The following CDH13 variants were observed in gnomAD, a reference collection of about 807,000 sequenced individuals.
CDH13 encodes cadherin-13.
In CDH13, 24 loss-of-function variants were observed where a neutral mutation model predicts 63.8. The observed-to-expected ratio is 0.38, with a 90% CI of 0.27 to 0.53. CDH13 has a LOEUF of 0.53. Among genes scored for constraint, CDH13 ranks in the 20% least tolerant of loss-of-function variants. The pLI is 0.85. For synonymous variants in CDH13, 503 were observed against 355.3 expected (o/e 1.42, Z -4.67); for missense variants, 1,049 against 903.1 (o/e 1.16, Z -2.07).
chr16:83,428,123 A>G (rs1466792208), intron 6 of CDH13, among the ~76,000 whole-genome samples: 1 of 152,206 alleles, frequency 6.6e-6, no homozygotes, highest in Non-Finnish European at 1.5e-5. Context: ...GGCTAGTAGC[A>G]GCATTTGAAT....
chr16:82,998,381 A>G (rs1383424024), intron 2 of CDH13, among the ~76,000 whole-genome samples: 1 of 152,244 alleles, frequency 6.6e-6, no homozygotes, highest in Non-Finnish European at 1.5e-5. Flanking sequence ...AAGCAAGAGT[A>G]TCACTTTCGT....
At chr16:82,658,893 A>G (rs1911607479) in intron 1 of CDH13, among the ~76,000 whole-genome samples, 1 of 152,228 alleles carries the variant, frequency 6.6e-6, no homozygotes, top group South Asian at 2.1e-4. Context: ...GACACTTGAT[A>G]TTCAGATAAA....
intron 2 of CDH13, among the ~76,000 whole-genome samples, chr16:82,862,672 A>G (rs764654349): frequency 6.6e-6 from 1 of 152,236 alleles, no homozygotes; most frequent in African/African-American, 2.4e-5. Flanking sequence ...TTTACCTACA[A>G]TACAACTTGC....
intron 6 of CDH13, among the ~76,000 whole-genome samples, chr16:83,399,033 T>C (rs763457918): frequency 1.3e-5 from 2 of 152,236 alleles, no homozygotes; most frequent in African/African-American, 2.4e-5. Flanking sequence ...CTCAAAGCCA[T>C]AGACCATTCA....
At chr16:83,761,338 A>G (rs1373678348) in intron 11 of CDH13, among the ~76,000 whole-genome samples, 2 of 152,250 alleles carry the variant, frequency 1.3e-5, no homozygotes, top group African/African-American at 4.8e-5. Context: ...CCAACAGAAT[A>G]TTCAAGGTAC....
At chr16:83,593,777 C>G (rs1444442772) in intron 7 of CDH13, among the ~76,000 whole-genome samples, 2 of 152,064 alleles carry the variant, frequency 1.3e-5, no homozygotes, top group Non-Finnish European at 2.9e-5. Context: ...GACATAAAGC[C>G]TCTAAACAAG....
At chr16:82,672,994 G>GTTTTTT in intron 1 of CDH13, among the ~76,000 whole-genome samples, 1 of 26,536 alleles carries the variant, frequency 3.8e-5, no homozygotes, top group African/African-American at 1.7e-4. Context: ...TTTTTATAAA[G>GTTTTTT]TTTTCTTTTT....
intron 5 of CDH13, among the ~76,000 whole-genome samples, chr16:83,267,068 A>G (rs1426973541): frequency 6.6e-6 from 1 of 152,014 alleles, no homozygotes; most frequent in East Asian, 1.9e-4. Context: ...TCTCAGTGTT[A>G]AGAATTTGTT....
chr16:83,563,700 C>T (rs1400949773), intron 7 of CDH13, among the ~76,000 whole-genome samples: 2 of 152,108 alleles, frequency 1.3e-5, no homozygotes, highest in Admixed American at 6.5e-5. Flanking sequence ...AGAACACATA[C>T]TGGACAAGAC....
intron 5 of CDH13, among the ~76,000 whole-genome samples, chr16:83,314,163 T>C (rs1469085931): frequency 1.3e-5 from 2 of 152,212 alleles, no homozygotes; most frequent in Non-Finnish European, 2.9e-5. Context: ...GTATTATTTA[T>C]TTTTAATAAA....
chr16:83,156,674 A>G (rs552310968), intron 4 of CDH13, among the ~76,000 whole-genome samples: 15 of 152,296 alleles, frequency 9.8e-5, no homozygotes, highest in African/African-American at 2.9e-4. Flanking sequence ...CCAGGGCTTG[A>G]CTTCTGCGTC....
At chr16:83,654,832 C>T (rs971380282) in intron 8 of CDH13, 4 of 152,164 alleles carry the variant, frequency 2.6e-5, no homozygotes, top group Non-Finnish European at 5.9e-5. Flanking sequence ...AACCCTATGA[C>T]TCTGGGTTCT....
At chr16:83,401,628 G>A (rs1392196823) in intron 6 of CDH13, among the ~76,000 whole-genome samples, 2 of 151,986 alleles carry the variant, frequency 1.3e-5, no homozygotes, top group Non-Finnish European at 2.9e-5. Context: ...CTCATGAAGT[G>A]TATATACCAG....
chr16:82,891,671 A>G (rs973154874), intron 2 of CDH13, among the ~76,000 whole-genome samples: 6 of 152,346 alleles, frequency 3.9e-5, no homozygotes, highest in African/African-American at 1.4e-4. Context: ...TGTAAATGCC[A>G]GTGACCATGG....
At chr16:83,218,698 A>C (rs1229974665) in intron 5 of CDH13, among the ~76,000 whole-genome samples, 1 of 152,144 alleles carries the variant, frequency 6.6e-6, no homozygotes, top group African/African-American at 2.4e-5. Context: ...AAATTTCATA[A>C]TTTCTTAACA....
At chr16:82,731,376 T>C (rs1219678314) in intron 1 of CDH13, among the ~76,000 whole-genome samples, 1 of 152,230 alleles carries the variant, frequency 6.6e-6, no homozygotes, top group African/African-American at 2.4e-5. Flanking sequence ...TGCTGAACTC[T>C]AGTCTAGACT....
intron 6 of CDH13, among the ~76,000 whole-genome samples, chr16:83,435,876 T>G (rs1004904167): frequency 2.6e-5 from 4 of 152,196 alleles, no homozygotes; most frequent in African/African-American, 9.6e-5. Context: ...AGAGGAATTG[T>G]GTGGCTAACA....
intron 6 of CDH13, among the ~76,000 whole-genome samples, chr16:83,366,608 G>C (rs1485425674): frequency 6.6e-6 from 1 of 152,146 alleles, no homozygotes; most frequent in African/African-American, 2.4e-5. Context: ...CACAGTTGCT[G>C]GTTTAAGGCT....
At chr16:83,602,330 T>C in intron 7 of CDH13, 124 bp from the exon 8 acceptor site, 1 of 932,878 alleles carries the variant, frequency 1.1e-6, no homozygotes, top group South Asian at 1.3e-5. Flanking sequence ...GTTATCACTC[T>C]TTAAAGATGC....
Sources: allele counts gnomAD v4.1 joint callset (sites outside exome capture counted in the v4.1 genomes callset), GRCh38; gene constraint gnomAD v4.1.1; transcripts MANE v1.5; gene names NCBI Gene and HGNC (gene_info 2026-07-23, HGNC 2026-07-21).